Variants in SPATA22 observed in about 807,000 individuals in gnomAD.
SPATA22 encodes spermatogenesis-associated protein 22.
SPATA22 carries 29 observed loss-of-function variants against 47.8 expected under a neutral mutation model. The observed-to-expected ratio is 0.61, with a 90% CI of 0.45 to 0.83. The LOEUF is 0.83. SPATA22 is among the 40% of genes least tolerant of loss of function. The pLI is 0.00. For missense variants in SPATA22, 410 were observed against 421.7 expected, an observed-to-expected ratio of 0.97 and a Z score of 0.24; for synonymous variants, 133 against 140.9, an observed-to-expected ratio of 0.94 and a Z score of 0.40.
intron 1 of SPATA22, among the ~76,000 whole-genome samples, chr17:3,507,936 C>A (rs1452204712): frequency 1.3e-5 from 2 of 152,176 alleles, no homozygotes; most frequent in African/African-American, 4.8e-5. Context: ...CCAAAACATC[C>A]CCATGGATGG....
intron 5 of SPATA22, among the ~76,000 whole-genome samples, chr17:3,455,903 G>A (rs1380565033): frequency 4.6e-5 from 7 of 152,034 alleles, no homozygotes; most frequent in Non-Finnish European, 8.8e-5. Context: ...CCATTTTCAC[G>A]ATATTGATTC....
rs1555538354 is a variant in SPATA22 at position 3,478,194 on chromosome 17, A to AAT, written c.-73-8798_-73-8797dup. Among the ~76,000 whole-genome samples, 415 of 151,092 alleles carry AAT rather than the reference A, an allele frequency of 2.7e-3. 2 individuals carry two copies. Among genetic ancestry groups the AAT allele is most frequent in the African/African-American group, 6.9e-3 (285 of 41,188 alleles). ...AGCGAGACTCCGTCTCAAAAAAAAA[A>AAT]ATATATATATATATAAGATATGCAC... On this transcript the variant is annotated intron_variant, in intron 1 of 8. Coordinates refer to the SPATA22 transcript ENST00000541913.
In SPATA22 at chr17:3,490,116, A is replaced by G. The variant is rs2073799022; in HGVS notation, c.-73-20718T>C. 6.6e-6 allele frequency among the ~76,000 whole-genome samples: 1 copy of G among 152,196 alleles called. No homozygotes were observed. Among genetic ancestry groups the G allele is most frequent in the Non-Finnish European group, 1.5e-5 (1 of 68,042 alleles). ...CTAGGATACATATATATGTTAACAC[A>G]TCACAGGGAAAGTCCTAGAAGAAAA... is the stretch of plus-strand genomic sequence containing the variant. On this transcript the variant is annotated intron_variant, in intron 1 of 8. Transcript: ENST00000541913. The surrounding 1 kb of genome is among the most constrained non-coding windows in gnomAD (Gnocchi z 4.6).
At chr17:3,496,889 A>G (rs1257130157) in intron 1 of SPATA22, among the ~76,000 whole-genome samples, 5 of 151,972 alleles carry the variant, frequency 3.3e-5, no homozygotes, top group Admixed American at 3.3e-4. Flanking sequence ...ACACGGTGAA[A>G]CCCCATCTCT....
intron 6 of SPATA22, 56 bp downstream of exon 6, chr17:3,448,751 T>C: frequency 7.8e-7 from 1 of 1,289,386 alleles, no homozygotes; most frequent in East Asian, 2.4e-5. Context: ...TTCTAAATAT[T>C]TACCTCATAT....
rs138388573 is a variant in SPATA22, at chr17:3,503,726, T to C, written c.-74+9686A>G. ...TTGTTTGTTTTTAATCTATAACATA[T>C]TGCTGTGTGGTTTTAGCCACTTTGA... On this transcript the variant is annotated intron_variant, in intron 1 of 8. Coordinates refer to the SPATA22 transcript ENST00000541913. 5.2e-3 allele frequency among the ~76,000 whole-genome samples: 797 copies of C among 152,342 alleles called. 13 individuals carry two copies. Among genetic ancestry groups the C allele is most frequent in the South Asian group, 0.023 (109 of 4,828 alleles).
At chr17:3,476,426 G>GT, upstream of SPATA22, 1 of 1,595,064 alleles carries the variant, frequency 6.3e-7, no homozygotes, top group South Asian at 1.1e-5. Flanking sequence ...GTATATGTAT[G>GT]TATGTTGTGT....
chr17:3,471,237 CG>C (rs1233980023), intron 1 of SPATA22, among the ~76,000 whole-genome samples: 2 of 152,092 alleles, frequency 1.3e-5, no homozygotes, highest in Non-Finnish European at 2.9e-5. Context: ...ATATTCTTGG[CG>C]CCATCCTAGG....
chr17:3,440,076 C>G lies in SPATA22; in HGVS notation c.*71G>C. 1 of 992,504 alleles carries G rather than the reference C, an allele frequency of 1.0e-6. No homozygotes were observed. The highest frequency in any genetic ancestry group is 1.4e-6 in the Non-Finnish European group (1 of 701,570). 61.5% of individuals were successfully genotyped at this position (992,504 alleles called of 1,614,324 possible). On this transcript the variant is annotated 3_prime_UTR_variant, in exon 9 of 9. Transcript: ENST00000572969. ...GTGAAATACAATAGTAGCTATAAAA[C>G]TATGGAGATGGTAAATTAAGCAATA...
intron 8 of SPATA22, among the ~76,000 whole-genome samples, chr17:3,442,755 G>A (rs1258664730): frequency 6.6e-6 from 1 of 151,870 alleles, no homozygotes; most frequent in Non-Finnish European, 1.5e-5. Flanking sequence ...TTTTGGCTTA[G>A]TTGATTCTTA....
intron 1 of SPATA22, among the ~76,000 whole-genome samples, chr17:3,482,768 CTT>C (rs66953301): frequency 8.2e-5 from 12 of 147,030 alleles, no homozygotes; most frequent in East Asian, 5.9e-4. Context: ...TGTAGCGATT[CTT>C]TTTTTTTTTA....
At chr17:3,508,766 G>A (rs1597457644) in intron 1 of SPATA22, among the ~76,000 whole-genome samples, 2 of 99,470 alleles carry the variant, frequency 2.0e-5, no homozygotes, top group Non-Finnish European at 1.9e-5. Flanking sequence ...GGGGGGAGGG[G>A]GGAGGGATAG....
At chr17:3,495,098 A>T (rs999248391) in intron 1 of SPATA22, among the ~76,000 whole-genome samples, 1 of 152,148 alleles carries the variant, frequency 6.6e-6, no homozygotes, top group Admixed American at 6.5e-5. Context: ...GAAGGAAAAA[A>T]AAAAGGCTCT....
chr17:3,511,755 A>G (rs1176456164), intron 1 of SPATA22: 5 of 152,278 alleles, frequency 3.3e-5, no homozygotes, highest in Non-Finnish European at 7.3e-5. Context: ...ATAGAAATCA[A>G]TAATTGGCTT....
chr17:3,483,411 C>T (rs186346057), intron 1 of SPATA22: 756 of 1,094,760 alleles, frequency 6.9e-4, no homozygotes, highest in Middle Eastern at 9.8e-4. Flanking sequence ...TGAAGTAAAA[C>T]GTATTGAAGG....
At chr17:3,496,798 G>A (rs1239167872) in intron 1 of SPATA22, among the ~76,000 whole-genome samples, 8 of 152,232 alleles carry the variant, frequency 5.3e-5, no homozygotes, top group African/African-American at 1.9e-4. Flanking sequence ...CAGGAGCGGT[G>A]GCTCACGCCT....
chr17:3,463,945 C>G (rs142915868), intron 3 of SPATA22, among the ~76,000 whole-genome samples: 2,199 of 28,086 alleles, frequency 0.078, 51 homozygotes, highest in Non-Finnish European at 0.17. Flanking sequence ...CTCTCCCTCT[C>G]CCTCTGCCTC....
chr17:3,506,164 C>T (rs2074038821), intron 1 of SPATA22, among the ~76,000 whole-genome samples: 1 of 152,184 alleles, frequency 6.6e-6, no homozygotes, highest in Admixed American at 6.5e-5. Flanking sequence ...ACACCAAAAA[C>T]CCTAGTCTAG....
chr17:3,490,964 C>G lies in SPATA22; in HGVS notation c.-73-21566G>C, dbSNP rs181368383. ...AATTGTCAACCACGATTAATTTAGA[C>G]TATCCAGCTTGGTGGATTTTCAACT... On this transcript the variant is annotated intron_variant, in intron 1 of 8. Transcript: ENST00000541913. This position sits in a 1 kb window ranked among gnomAD's most constrained non-coding sequence, Gnocchi z 4.6. Among the ~76,000 whole-genome samples, 35 of 152,290 alleles carry G rather than the reference C, an allele frequency of 2.3e-4. No individual in the cohort carries two copies. The highest frequency in any genetic ancestry group is 2.1e-3 in the Admixed American group (32 of 15,292).
Sources: allele counts gnomAD v4.1 joint callset (sites outside exome capture counted in the v4.1 genomes callset), GRCh38; gene constraint gnomAD v4.1.1; non-coding constraint Gnocchi (gnomAD v3.1); transcripts MANE v1.5; gene names NCBI Gene and HGNC (gene_info 2026-07-23, HGNC 2026-07-21).